NEK2: variants seen among roughly 807,000 people sequenced by gnomAD.
NEK2 encodes the protein NIMA related kinase 2.
Under a neutral mutation model 54.1 loss-of-function variants are expected in NEK2, and 28 were observed. The ratio of observed to expected loss-of-function variants is 0.52; its 90% confidence interval spans 0.38 to 0.71. The LOEUF is 0.71. NEK2 is among the 30% of genes least tolerant of loss of function. The probability of loss-of-function intolerance (pLI) is 0.00; values close to 1 mark genes in which losing one functional copy is unlikely to be tolerated. For synonymous variants in NEK2, 176 were observed against 193.1 expected (o/e 0.91, Z 0.73); for missense variants, 407 against 531.5 (o/e 0.77, Z 2.30).
intron 7 of NEK2, chr1:211,666,798 C>T: frequency 1.3e-6 from 1 of 772,048 alleles, no homozygotes; most frequent in Non-Finnish European, 1.6e-6. Flanking sequence ...GACTCCATCT[C>T]AAAAAAAATA....
chr1:211,666,710 A>G (rs1655191479), intron 7 of NEK2: 2 of 277,174 alleles, frequency 7.2e-6, no homozygotes, highest in African/African-American at 2.3e-5. Flanking sequence ...GAGGCAGAAG[A>G]ATGGCGTGAA....
At chr1:211,658,506 A>G (rs896943859), downstream of NEK2, 6 of 267,504 alleles carry the variant, frequency 2.2e-5, no homozygotes, top group Non-Finnish European at 4.5e-5. Context: ...TAGGTCATAA[A>G]GGGGCTGGGC....
At position 211,670,337 on chromosome 1, in the gene NEK2, G is replaced by A; in HGVS notation, c.709C>T (p.Pro237Ser). 2 of 1,612,964 alleles carry A rather than the reference G, an allele frequency of 1.2e-6. No homozygotes were observed. Among genetic ancestry groups the A allele is most frequent in the Non-Finnish European group, 1.7e-6 (2 of 1,179,094 alleles). ...KIREGKFRRIPYRYSDELNEI... is the reference protein window; with the variant it reads ...KIREGKFRRISYRYSDELNEI... ...TTCAATTCATCAGAGTAACGGTATG[G>A]AATTCGCCTGAATTTGCCTTCTCTG... Residue 237 changes from proline to serine, a missense_variant, in exon 5 of 8, where the codon CCA becomes TCA. Transcript: ENST00000366999.
chr1:211,660,802 G>A, downstream of NEK2: 1 of 700,996 alleles, frequency 1.4e-6, no homozygotes, highest in Non-Finnish European at 2.7e-6. Context: ...CAGGTAATAG[G>A]GCTGCTCCCA....
At chr1:211,670,985 C>T (rs113275484) in intron 4 of NEK2, among the ~76,000 whole-genome samples, 117 of 152,326 alleles carry the variant, frequency 7.7e-4, no homozygotes, top group African/African-American at 2.7e-3. Flanking sequence ...CCAGCCAAGA[C>T]CCTTGAACAG....
At chr1:211,659,160 A>G (rs1298396200), downstream of NEK2, among the ~76,000 whole-genome samples, 1 of 152,180 alleles carries the variant, frequency 6.6e-6, no homozygotes, top group Non-Finnish European at 1.5e-5. Context: ...GATGAATTAT[A>G]TAGCATAGCA....
chr1:211,668,396 C>T (rs1655245937), intron 6 of NEK2, among the ~76,000 whole-genome samples: 1 of 152,200 alleles, frequency 6.6e-6, no homozygotes, highest in African/African-American at 2.4e-5. Context: ...ACTAAATTAG[C>T]ATCTAATCAG....
At position 211,663,278 on chromosome 1, in the gene NEK2, C is replaced by G. The variant is rs1655066457; in HGVS notation, c.*148G>C. The G allele has an allele frequency of 7.1e-7, 1 of 1,412,120 alleles. No homozygotes were observed. The highest frequency in any genetic ancestry group is 9.3e-7 in the Non-Finnish European group (1 of 1,079,814). 87.5% of individuals were successfully genotyped at this position (1,412,120 alleles called of 1,614,324 possible). Reference sequence around the variant, plus strand: ...ATTTTGTACAATAGTTGCTGAAGAACAGTAAAACCAATTCCGAAATATCAT... The same window carrying G: ...ATTTTGTACAATAGTTGCTGAAGAAGAGTAAAACCAATTCCGAAATATCAT... On this transcript the variant is annotated 3_prime_UTR_variant, in exon 8 of 8. Coordinates refer to ENST00000366999, the MANE Select transcript of NEK2 (RefSeq NM_002497.4).
chr1:211,661,154 C>T, downstream of NEK2: 1 of 741,700 alleles, frequency 1.3e-6, no homozygotes, highest in East Asian at 2.6e-5. Flanking sequence ...CTGGGTGCCC[C>T]ATCTCATCCT....
chr1:211,671,236 A>G lies in NEK2; in HGVS notation c.604T>C (p.Leu202=), dbSNP rs549762392. The change falls in exon 4 of 8, where the codon TTG becomes CTG. Residue 202 remains leucine (L), a synonymous_variant. Transcript: ENST00000366999. ...SYNEKSDIWS[L]GCLLYELCAL... ...CATAACTCATACAGCAAGCAGCCCAATGACCAGATATCTGATTTCTCATTG... is the reference window on the plus strand; with the variant it reads ...CATAACTCATACAGCAAGCAGCCCAGTGACCAGATATCTGATTTCTCATTG... 11 of 1,613,616 alleles carry G rather than the reference A, an allele frequency of 6.8e-6. No individual in the cohort carries two copies. In the Admixed American group the frequency reaches 1.0e-4, roughly 15 times the overall value.
In NEK2 at chr1:211,674,279, T is replaced by A; in HGVS notation, c.314+17A>T. ...CTAGACCAATTTCAGCTTACATTTTTAAAAGATTATGCTTACCTTTCCTTG... is the reference window on the plus strand; with the variant it reads ...CTAGACCAATTTCAGCTTACATTTTAAAAAGATTATGCTTACCTTTCCTTG... On this transcript the variant is annotated intron_variant, in intron 2 of 7. Coordinates refer to ENST00000366999, the MANE Select transcript of NEK2 (RefSeq NM_002497.4). The A allele has an allele frequency of 3.2e-6, 5 of 1,586,564 alleles. No individual in the cohort carries two copies. Among genetic ancestry groups the A allele is most frequent in the Non-Finnish European group, 4.3e-6 (5 of 1,162,154 alleles).
Position 211,665,578 on chromosome 1 carries a change from T to C in NEK2, c.1111+1528A>G, listed in dbSNP as rs1655153430. On this transcript the variant is annotated intron_variant, in intron 7 of 7. Transcript: ENST00000366999. ...ATCCAGGTAAAATTTTCTCCTCATT[T>C]TATCACCCTAATCATGATTTAAGTC... Among the ~76,000 whole-genome samples, 3 of 152,346 alleles carry C rather than the reference T, an allele frequency of 2.0e-5. No homozygotes were observed. In the South Asian group the frequency reaches 6.2e-4, roughly 32 times the overall value.
chr1:211,660,323 C>A, downstream of NEK2: 1 of 488,188 alleles, frequency 2.0e-6, no homozygotes, highest in Non-Finnish European at 4.0e-6. Context: ...AAGAACACGG[C>A]CAGCAGATCT....
chr1:211,661,127 G>T, downstream of NEK2: 1 of 746,082 alleles, frequency 1.3e-6, no homozygotes, highest in Admixed American at 1.8e-5. Context: ...TGAGCTGGGC[G>T]ATAGCATCTC....
intron 7 of NEK2, among the ~76,000 whole-genome samples, chr1:211,665,169 T>C (rs1400980524): frequency 1.3e-5 from 2 of 152,212 alleles, no homozygotes; most frequent in Non-Finnish European, 2.9e-5. Flanking sequence ...TCCTCACGTG[T>C]GGATTTTATA....
chr1:211,667,436 T>A (rs1655216718), intron 6 of NEK2, among the ~76,000 whole-genome samples: 1 of 152,246 alleles, frequency 6.6e-6, no homozygotes, highest in Non-Finnish European at 1.5e-5. Context: ...ATCTTAGATT[T>A]TCTTGAAAGG....
Position 211,673,739 on chromosome 1 carries a change from T to A in NEK2, c.315-16A>T. On this transcript the variant is annotated splice_polypyrimidine_tract_variant and intron_variant, in intron 2 of 7. Coordinates refer to ENST00000366999, the MANE Select transcript of NEK2 (RefSeq NM_002497.4). Reference sequence around the variant, plus strand: ...TAAGTATTGCCTAAAACCAAAGCAGTTATACAGCATATAACTTCTAAAAAA... The same window carrying A: ...TAAGTATTGCCTAAAACCAAAGCAGATATACAGCATATAACTTCTAAAAAA... 1 of 1,612,522 alleles carries A rather than the reference T, an allele frequency of 6.2e-7. No individual in the cohort carries two copies. Among genetic ancestry groups the A allele is most frequent in the African/African-American group, 1.3e-5 (1 of 75,024 alleles).
At chr1:211,660,937 G>T, downstream of NEK2, 2 of 744,028 alleles carry the variant, frequency 2.7e-6, no homozygotes, top group Non-Finnish European at 5.0e-6. Context: ...GGATGAATCC[G>T]TGATGTCATC....
At chr1:211,664,709 C>A (rs768347299) in intron 7 of NEK2, among the ~76,000 whole-genome samples, 1 of 152,254 alleles carries the variant, frequency 6.6e-6, no homozygotes, top group Non-Finnish European at 1.5e-5. Context: ...TGCTTCAAAG[C>A]AAACTGGATT....
Sources: gnomAD v4.1 joint callset for allele counts (sites outside exome capture counted in the v4.1 genomes callset) on GRCh38, gnomAD v4.1.1 for gene constraint, MANE v1.5 for transcripts, NCBI Gene and HGNC (gene_info 2026-07-23, HGNC 2026-07-21) for gene names.